Variants in PHC2 observed in about 807,000 individuals in gnomAD.
PHC2 encodes the protein polyhomeotic-like protein 2.
PHC2 carries 29 observed loss-of-function variants against 87.4 expected under a neutral mutation model. That is an observed-to-expected ratio of 0.33 (90% CI 0.25 to 0.45). The LOEUF is 0.45. Among genes scored for constraint, PHC2 ranks in the 20% least tolerant of loss-of-function variants. The pLI is 1.00. For synonymous variants in PHC2, 438 were observed against 461.7 expected (o/e 0.95, Z 0.66); for missense variants, 857 against 1,136.7 (o/e 0.75, Z 3.54).
At chr1:33,401,000 TACAATTATA>T (rs1649499370) in intron 1 of PHC2, among the ~76,000 whole-genome samples, 1 of 152,144 alleles carries the variant, frequency 6.6e-6, no homozygotes, top group East Asian at 1.9e-4. Flanking sequence ...CAGACTCCAG[TACAATTATA>T]AATCTTTTTG....
At chr1:33,347,481 G>A in intron 9 of PHC2, 3 of 985,328 alleles carry the variant, frequency 3.0e-6, no homozygotes, top group Non-Finnish European at 3.6e-6. Context: ...CTGGGAGAGA[G>A]TGGAAAGGGC....
rs544989352 is a variant in PHC2, at chr1:33,428,914, A to G, written c.-55+2062T>C. Among the ~76,000 whole-genome samples, 194 of 152,304 alleles carry G rather than the reference A, an allele frequency of 1.3e-3. 1 individual carries two copies. Among genetic ancestry groups the G allele is most frequent in the Non-Finnish European group, 2.0e-3 (139 of 68,022 alleles). On this transcript the variant is annotated intron_variant, in intron 1 of 14. Transcript: ENST00000683057. ...CAGTGGGCTCAGCTGCATGTGCACG[A>G]TTCATGGTCTCAATCCTGGACTACT...
rs1448491202 is a variant in PHC2, at chr1:33,382,312, T to C, written c.-54-6719A>G. Among the ~76,000 whole-genome samples the C allele has an allele frequency of 6.6e-6, 1 of 152,102 alleles. No homozygotes were observed. Among genetic ancestry groups the C allele is most frequent in the Non-Finnish European group, 1.5e-5 (1 of 68,022 alleles). ...AAGGGCTACTGAGGCATCTGTGGACTCTCCTTACATCCTTCCCTCTGGTGA... is the reference window on the plus strand; with the variant it reads ...AAGGGCTACTGAGGCATCTGTGGACCCTCCTTACATCCTTCCCTCTGGTGA... On this transcript the variant is annotated intron_variant, in intron 1 of 14. Coordinates refer to ENST00000683057, the MANE Select transcript of PHC2 (RefSeq NM_001385109.1). The surrounding 1 kb of genome is among the most constrained non-coding windows in gnomAD (Gnocchi z 4.3).
At chr1:33,366,015 T>C (rs1647428968) in intron 7 of PHC2, among the ~76,000 whole-genome samples, 2 of 152,270 alleles carry the variant, frequency 1.3e-5, no homozygotes, top group Admixed American at 1.3e-4. Flanking sequence ...AAATAGAATT[T>C]ATGAAGTGGA....
intron 9 of PHC2, among the ~76,000 whole-genome samples, chr1:33,338,210 C>CAGAT (rs1646677193): frequency 6.6e-6 from 1 of 152,176 alleles, no homozygotes; most frequent in African/African-American, 2.4e-5. Context: ...CATTCGTGAG[C>CAGAT]AGATATGGTC....
chr1:33,357,413 A>C (rs1046494960), intron 7 of PHC2, among the ~76,000 whole-genome samples: 4 of 152,174 alleles, frequency 2.6e-5, no homozygotes, highest in Non-Finnish European at 4.4e-5. Context: ...TTCCAATAGG[A>C]ATGGAAAGGA....
At chr1:33,365,169 T>G (rs1366147424) in intron 7 of PHC2, among the ~76,000 whole-genome samples, 1 of 152,168 alleles carries the variant, frequency 6.6e-6, no homozygotes, top group African/African-American at 2.4e-5. Flanking sequence ...TCTCTGAGCT[T>G]CAGTTTGCTC....
intron 9 of PHC2, among the ~76,000 whole-genome samples, chr1:33,351,556 T>C (rs889664012): frequency 1.3e-5 from 2 of 152,232 alleles, no homozygotes; most frequent in African/African-American, 4.8e-5. Context: ...GCATTTTTCA[T>C]CGTTTCAAGT....
intron 1 of PHC2, among the ~76,000 whole-genome samples, chr1:33,408,127 A>T (rs1222214250): frequency 6.6e-6 from 1 of 152,186 alleles, no homozygotes; most frequent in East Asian, 1.9e-4. Flanking sequence ...TCAGTTTTTT[A>T]AGTTGTCCTT....
rs1225756518 is a variant in PHC2 at position 33,334,164 on chromosome 1, C to T, written c.1687G>A (p.Ala563Thr). The T allele has an allele frequency of 6.2e-7, 1 of 1,613,844 alleles. No homozygotes were observed. The highest frequency in any genetic ancestry group is 1.3e-5 in the African/African-American group (1 of 74,894). The change falls in exon 10 of 15, where the codon GCC (alanine) becomes ACC (threonine). Residue 563 changes from alanine (A) to threonine (T), a missense_variant. Physicochemically the swap from Ala to Thr is moderately conservative, Grantham distance 58. This residue lies in a region of PHC2 where 832 missense variants were observed against 1,081.8 expected (regional missense o/e 0.77). Transcript: ENST00000683057. This position sits in a 1 kb window ranked among gnomAD's most constrained non-coding sequence, Gnocchi z 5.5. Reference sequence around the variant, plus strand: ...GTCAGGATTTGGGGTTTCACAATGGCCTGTGGTGGTTTATTCTCACCATTC... The same window carrying T: ...GTCAGGATTTGGGGTTTCACAATGGTCTGTGGTGGTTTATTCTCACCATTC... ...PQNGENKPPQ[A>T]IVKPQILTHV...
chr1:33,343,509 C>CT (rs2148243341), intron 9 of PHC2, among the ~76,000 whole-genome samples: 1 of 150,170 alleles, frequency 6.7e-6, no homozygotes, highest in South Asian at 2.1e-4. Context: ...GGCTTAAATC[C>CT]TATCCTGTAA....
intron 1 of PHC2, among the ~76,000 whole-genome samples, chr1:33,402,326 A>G (rs767242465): frequency 3.9e-5 from 6 of 152,212 alleles, no homozygotes; most frequent in Non-Finnish European, 5.9e-5. Context: ...TTATGTTCAC[A>G]TGGAATGGGT....
At chr1:33,325,741 AG>A in intron 14 of PHC2, 1 of 375,388 alleles carries the variant, frequency 2.7e-6, no homozygotes, top group Non-Finnish European at 5.4e-6. Context: ...AAAGTCACTG[AG>A]TTCTGGAATA....
intron 1 of PHC2, among the ~76,000 whole-genome samples, chr1:33,385,265 C>T (rs541994658): frequency 4.6e-5 from 7 of 152,124 alleles, no homozygotes; most frequent in African/African-American, 7.2e-5. Context: ...TACCTTACCC[C>T]GACCTCCCAG....
rs1013692854 is a variant in PHC2 at position 33,368,725 on chromosome 1, C to T, written c.577-103G>A. 2.1e-5 allele frequency: 17 copies of T among 798,532 alleles called. No homozygotes were observed. Among genetic ancestry groups the T allele is most frequent in the African/African-American group, 3.4e-5 (2 of 58,920 alleles). The allele number at this position is 798,532 out of a possible 1,614,324, so 49.5% of individuals were successfully genotyped here. ...GGAAACGAGGCGCCTTTTACCTGCTCGATGTGGACTCAGCCACAGGACACA... is the reference window on the plus strand; with the variant it reads ...GGAAACGAGGCGCCTTTTACCTGCTTGATGTGGACTCAGCCACAGGACACA... On this transcript the variant is annotated intron_variant, in intron 5 of 14. Coordinates refer to ENST00000683057, the MANE Select transcript of PHC2 (RefSeq NM_001385109.1). This position sits in a 1 kb window ranked among gnomAD's most constrained non-coding sequence, Gnocchi z 6.6.
chr1:33,414,189 A>T (rs904980047), intron 1 of PHC2, among the ~76,000 whole-genome samples: 20 of 151,362 alleles, frequency 1.3e-4, no homozygotes, highest in Non-Finnish European at 2.4e-4. Context: ...ACACACACAC[A>T]CACACACACA....
Position 33,418,053 on chromosome 1 carries a change from C to A in PHC2, c.-55+12923G>T, listed in dbSNP as rs569121120. ...TAGTGAAAACAAAAACATTACGTAT[C>A]AAAATCTGTAGGATATAGCTAAAGT... On this transcript the variant is annotated intron_variant, in intron 1 of 14. Transcript: ENST00000683057. 8.5e-5 allele frequency among the ~76,000 whole-genome samples: 13 copies of A among 152,106 alleles called. No individual in the cohort carries two copies. In the South Asian group the frequency reaches 2.7e-3, roughly 32 times the overall value.
chr1:33,379,677 C>T (rs1172686037), intron 1 of PHC2, among the ~76,000 whole-genome samples: 1 of 149,870 alleles, frequency 6.7e-6, no homozygotes, highest in East Asian at 2.0e-4. Context: ...AGTGTGCTCA[C>T]CCTCCCTCAC....
chr1:33,342,559 G>C (rs1646764807), intron 9 of PHC2, among the ~76,000 whole-genome samples: 1 of 150,680 alleles, frequency 6.6e-6, no homozygotes, highest in African/African-American at 2.5e-5. Flanking sequence ...GGAGCAGTGG[G>C]GGATTTCCAA....
Sources: gnomAD v4.1 joint callset for allele counts (sites outside exome capture counted in the v4.1 genomes callset) on GRCh38, gnomAD v4.1.1 for gene constraint, gnomAD v4.1.1 regional missense constraint, Gnocchi (gnomAD v3.1) non-coding constraint, MANE v1.5 for transcripts, NCBI Gene and HGNC (gene_info 2026-07-23, HGNC 2026-07-21) for gene names.